PDE10A: variants seen among roughly 807,000 people sequenced by gnomAD.
PDE10A encodes phosphodiesterase 10A, also known as cAMP and cAMP-inhibited cGMP 3',5'-cyclic phosphodiesterase 10A.
A neutral mutation model predicts 97.7 loss-of-function variants in PDE10A; 39 were observed. The ratio of observed to expected loss-of-function variants is 0.40; its 90% CI spans 0.31 to 0.52. The LOEUF is 0.52. Ranked by LOEUF, PDE10A falls within the 20% of genes least tolerant of loss-of-function variation. The pLI is 0.56. For synonymous variants in PDE10A, 371 were observed against 376.8 expected, an observed-to-expected ratio of 0.98 and a Z score of 0.18; for missense variants, 731 against 1,047.8, an observed-to-expected ratio of 0.70 and a Z score of 4.17.
intron 1 of PDE10A, among the ~76,000 whole-genome samples, chr6:165,962,116 G>C (rs1352835380): frequency 3.9e-5 from 6 of 152,246 alleles, no homozygotes; most frequent in Admixed American, 3.9e-4. Flanking sequence ...TGATGCCGCT[G>C]AGATTGGAAC....
chr6:165,531,044 C>A (rs908345765), intron 2 of PDE10A, among the ~76,000 whole-genome samples: 5 of 151,952 alleles, frequency 3.3e-5, no homozygotes, highest in African/African-American at 4.8e-5. Context: ...GCCTTTCCAT[C>A]ACTTCCTTCC....
At chr6:165,478,230 A>G (rs74933907) in intron 3 of PDE10A, among the ~76,000 whole-genome samples, 7,553 of 152,250 alleles carry the variant, frequency 0.05, 252 homozygotes, top group African/African-American at 0.094. Flanking sequence ...ATTTTATTCT[A>G]TCAAGTGCTC....
At chr6:165,953,316 C>T (rs887796753) in intron 1 of PDE10A, among the ~76,000 whole-genome samples, 3 of 152,190 alleles carry the variant, frequency 2.0e-5, no homozygotes, top group African/African-American at 7.2e-5. Flanking sequence ...TTTGGCCAGG[C>T]ACAGTGGCTC....
chr6:165,939,628 C>T (rs1288528915), intron 1 of PDE10A: 1 of 152,132 alleles, frequency 6.6e-6, no homozygotes, highest in African/African-American at 2.4e-5. Context: ...CATTTTTATT[C>T]CTGTAAAATA....
intron 1 of PDE10A, among the ~76,000 whole-genome samples, chr6:165,816,697 A>G (rs1462994390): frequency 6.6e-6 from 1 of 152,266 alleles, no homozygotes; most frequent in Non-Finnish European, 1.5e-5. Context: ...TGAAAGCAAT[A>G]GAATCTAGTG....
intron 1 of PDE10A, among the ~76,000 whole-genome samples, chr6:165,785,300 AT>A (rs1431740178): frequency 1.3e-4 from 20 of 152,168 alleles, no homozygotes; most frequent in African/African-American, 4.8e-4. Flanking sequence ...AGTTATTCTC[AT>A]TTTTCCCCAT....
chr6:165,422,286 C>T (rs1002526923), intron 10 of PDE10A, among the ~76,000 whole-genome samples: 5 of 149,886 alleles, frequency 3.3e-5, no homozygotes, highest in Admixed American at 6.7e-5. Context: ...TACACACACA[C>T]GCATACACAC....
At chr6:165,557,077 T>C (rs1784294086) in intron 1 of PDE10A, among the ~76,000 whole-genome samples, 4 of 152,086 alleles carry the variant, frequency 2.6e-5, no homozygotes, top group Admixed American at 2.6e-4. Flanking sequence ...AGACGGAGGT[T>C]GCAGTGAGTC....
At chr6:165,366,626 G>C (rs73030152) in intron 18 of PDE10A, among the ~76,000 whole-genome samples, 12,156 of 152,182 alleles carry the variant, frequency 0.08, 549 homozygotes, top group Middle Eastern at 0.2. Context: ...CATAAATACA[G>C]CCCAAAAGAA....
chr6:165,952,263 C>G (rs1242255250), intron 1 of PDE10A, among the ~76,000 whole-genome samples: 1 of 152,244 alleles, frequency 6.6e-6, no homozygotes, highest in Non-Finnish European at 1.5e-5. Context: ...TCACCTGTGC[C>G]TTTCTTCACT....
intron 2 of PDE10A, among the ~76,000 whole-genome samples, chr6:165,519,159 T>C (rs1423701055): frequency 2.0e-5 from 3 of 152,144 alleles, no homozygotes; most frequent in Non-Finnish European, 4.4e-5. Flanking sequence ...GGAACAAGTA[T>C]TTTTGCATTT....
intron 18 of PDE10A, among the ~76,000 whole-genome samples, chr6:165,352,431 T>C (rs932459334): frequency 2.0e-5 from 3 of 152,136 alleles, no homozygotes; most frequent in Non-Finnish European, 4.4e-5. Flanking sequence ...CTACCCAAGA[T>C]AGTAATTATA....
At chr6:165,842,633 C>T (rs1012318509) in intron 1 of PDE10A, among the ~76,000 whole-genome samples, 6 of 152,176 alleles carry the variant, frequency 3.9e-5, no homozygotes, top group Admixed American at 3.9e-4. Context: ...ATGTTTGCTG[C>T]AATACATCAG....
intron 3 of PDE10A, among the ~76,000 whole-genome samples, chr6:165,478,766 C>T (rs1779436013): frequency 6.6e-6 from 1 of 152,162 alleles, no homozygotes; most frequent in Admixed American, 6.5e-5. Flanking sequence ...GCTCTGAAAC[C>T]TGCTACTTGG....
chr6:165,970,520 TA>T (rs1364126988), intron 1 of PDE10A, among the ~76,000 whole-genome samples: 1 of 152,182 alleles, frequency 6.6e-6, no homozygotes, highest in Admixed American at 6.5e-5. Context: ...ATCTGTTTTT[TA>T]AAATATCCAT....
intron 1 of PDE10A, among the ~76,000 whole-genome samples, chr6:165,843,573 G>A (rs112520078): frequency 9.2e-5 from 14 of 152,254 alleles, no homozygotes; most frequent in African/African-American, 2.2e-4. Flanking sequence ...TAGAAGGGAC[G>A]GACAGGCTCC....
chr6:165,508,671 G>C (rs1384343990), intron 2 of PDE10A, among the ~76,000 whole-genome samples: 1 of 151,838 alleles, frequency 6.6e-6, no homozygotes, highest in East Asian at 1.9e-4. Flanking sequence ...AAAGTCCAGG[G>C]CCTCCACATC....
intron 2 of PDE10A, among the ~76,000 whole-genome samples, chr6:165,536,118 C>A (rs1434446049): frequency 6.6e-6 from 1 of 151,920 alleles, no homozygotes; most frequent in Non-Finnish European, 1.5e-5. Context: ...TATAAACAGA[C>A]ATATAGACCA....
intron 1 of PDE10A, among the ~76,000 whole-genome samples, chr6:165,764,152 C>T (rs1323062117): frequency 6.6e-6 from 1 of 152,218 alleles, no homozygotes; most frequent in Non-Finnish European, 1.5e-5. Context: ...GGATGAGGCT[C>T]TTGGCTCTGC....
Sources: gnomAD v4.1 joint callset for allele counts (sites outside exome capture counted in the v4.1 genomes callset) on GRCh38, gnomAD v4.1.1 for gene constraint, MANE v1.5 for transcripts, NCBI Gene and HGNC (gene_info 2026-07-23, HGNC 2026-07-21) for gene names.